DAB1: variants seen among roughly 807,000 people sequenced by gnomAD.
DAB1 encodes the protein disabled homolog 1.
In DAB1, 15 loss-of-function variants were observed where a neutral mutation model predicts 64.6. That is an observed-to-expected ratio of 0.23 (90% CI 0.16 to 0.36). The LOEUF (loss-of-function observed/expected upper bound fraction) is 0.36, where lower values mean the gene tolerates loss of function less well. Among genes scored for constraint, DAB1 ranks in the 10% least tolerant of loss-of-function variants. The pLI is 1.00. For missense variants in DAB1, 596 were observed against 706.7 expected (o/e 0.84, Z 1.78); for synonymous variants, 235 against 251.9 (o/e 0.93, Z 0.64).
intron 1 of DAB1, among the ~76,000 whole-genome samples, chr1:58,543,806 A>C (rs1187067115): frequency 6.6e-6 from 1 of 152,260 alleles, no homozygotes; most frequent in African/African-American, 2.4e-5. Flanking sequence ...TGGCAAACTC[A>C]AACGTCTAAA....
At chr1:57,557,636 AAGGACTCTATTTCTAAT>A (rs1341993649) in intron 7 of DAB1, among the ~76,000 whole-genome samples, 1 of 152,088 alleles carries the variant, frequency 6.6e-6, no homozygotes, top group Middle Eastern at 3.2e-3. Flanking sequence ...CCAAAATACT[AAGGACTCTATTTCTAAT>A]AGTATGGAGA....
intron 4 of DAB1, among the ~76,000 whole-genome samples, chr1:58,283,031 C>G (rs1347920496): frequency 6.6e-6 from 1 of 151,434 alleles, no homozygotes; most frequent in African/African-American, 2.4e-5. Flanking sequence ...ACTTCCCCAA[C>G]CACCATGTAA....
At chr1:57,770,561 C>A (rs1055597041) in intron 6 of DAB1, among the ~76,000 whole-genome samples, 1 of 152,102 alleles carries the variant, frequency 6.6e-6, no homozygotes, top group Non-Finnish European at 1.5e-5. Context: ...CCCAAAAAAA[C>A]CTCTGTCAAG....
At chr1:57,057,709 A>G (rs564888097) in intron 9 of DAB1, among the ~76,000 whole-genome samples, 330 of 150,658 alleles carry the variant, frequency 2.2e-3, no homozygotes, top group South Asian at 0.011. Context: ...CCGGGTTCAC[A>G]CCATTCTCCT....
At chr1:57,086,064 G>T (rs1360552993) in intron 4 of DAB1, among the ~76,000 whole-genome samples, 2 of 152,152 alleles carry the variant, frequency 1.3e-5, no homozygotes, top group Admixed American at 6.5e-5. Flanking sequence ...GGCAGTGAGT[G>T]ACAGTCTTTG....
chr1:58,006,961 C>T (rs556009588), intron 5 of DAB1, among the ~76,000 whole-genome samples: 1 of 152,282 alleles, frequency 6.6e-6, no homozygotes, highest in South Asian at 2.1e-4. Flanking sequence ...CTGAGATGCA[C>T]CGTACAGATG....
At chr1:58,500,693 C>A (rs1645892370) in intron 3 of DAB1, among the ~76,000 whole-genome samples, 1 of 152,082 alleles carries the variant, frequency 6.6e-6, no homozygotes, top group African/African-American at 2.4e-5. Context: ...TAACCATAAA[C>A]AATGAGTAAG....
rs1302261431 is a variant in DAB1, at chr1:58,132,237, A to ACT, written n.387+18273_387+18274insAG. Among the ~76,000 whole-genome samples the ACT allele has an allele frequency of 2.0e-5, 3 of 152,130 alleles. No homozygotes were observed. In the East Asian group the frequency reaches 5.8e-4, roughly 29 times the overall value. On this transcript the variant is annotated intron_variant and non_coding_transcript_variant, in intron 5 of 20. Transcript: ENST00000485760. ...CCCGATTTTCCAGGTGCGGTCCGTC[A>ACT]GCGATTTCTTTGACTCAGAAAGGGA...
chr1:57,888,460 C>T (rs1421730045), upstream of DAB1, among the ~76,000 whole-genome samples: 1 of 152,130 alleles, frequency 6.6e-6, no homozygotes, highest in Non-Finnish European at 1.5e-5. Context: ...TCTCTTTGTT[C>T]CCAATTTATC....
At chr1:57,475,036 G>C (rs1271510830) in intron 7 of DAB1, among the ~76,000 whole-genome samples, 1 of 152,178 alleles carries the variant, frequency 6.6e-6, no homozygotes, top group African/African-American at 2.4e-5. Flanking sequence ...AAGGTGAGTA[G>C]ATCACCTGAG....
chr1:58,209,575 C>A (rs1000889095), intron 4 of DAB1, among the ~76,000 whole-genome samples: 2 of 152,010 alleles, frequency 1.3e-5, no homozygotes, highest in African/African-American at 4.8e-5. Context: ...TTCTTAAAGA[C>A]CAGGAATGTC....
intron 9 of DAB1, among the ~76,000 whole-genome samples, chr1:57,041,598 G>A (rs1418159454): frequency 6.6e-6 from 1 of 152,182 alleles, no homozygotes; most frequent in African/African-American, 2.4e-5. Context: ...TAACATTAGG[G>A]AAATATCCAT....
intron 4 of DAB1, among the ~76,000 whole-genome samples, chr1:58,200,623 A>C (rs754314556): frequency 6.6e-6 from 1 of 152,224 alleles, no homozygotes; most frequent in African/African-American, 2.4e-5. Flanking sequence ...TCACTCAAGT[A>C]AGGTAAAATG....
At chr1:57,554,705 A>AT in intron 7 of DAB1, among the ~76,000 whole-genome samples, 1 of 152,184 alleles carries the variant, frequency 6.6e-6, no homozygotes, top group Non-Finnish European at 1.5e-5. Flanking sequence ...TTTGCCTCCT[A>AT]TTTTTTCTCC....
intron 3 of DAB1, among the ~76,000 whole-genome samples, chr1:58,485,601 TTTC>T (rs1645563610): frequency 6.6e-6 from 1 of 152,258 alleles, no homozygotes; most frequent in East Asian, 1.9e-4. Flanking sequence ...TAACTTATTT[TTTC>T]TTTTTTCCTT....
chr1:57,145,265 T>C (rs548074898), intron 3 of DAB1, 25 bp downstream of exon 3: 1 of 1,611,596 alleles, frequency 6.2e-7, no homozygotes, highest in East Asian at 2.2e-5. Context: ...CACAAAGTAT[T>C]GAAAAGAAAA....
At chr1:57,952,985 A>C (rs1472322754) in intron 5 of DAB1, among the ~76,000 whole-genome samples, 1 of 152,206 alleles carries the variant, frequency 6.6e-6, no homozygotes, top group Admixed American at 6.5e-5. Flanking sequence ...CACAAAGAGC[A>C]AGTAGAATCC....
At chr1:58,024,286 T>C (rs1373101958) in intron 5 of DAB1, among the ~76,000 whole-genome samples, 3 of 152,146 alleles carry the variant, frequency 2.0e-5, no homozygotes, top group Non-Finnish European at 4.4e-5. Context: ...AGTGGAAAGA[T>C]CACAAAAGAA....
At chr1:58,278,111 C>T (rs1157547198) in intron 4 of DAB1, among the ~76,000 whole-genome samples, 1 of 152,186 alleles carries the variant, frequency 6.6e-6, no homozygotes, top group Non-Finnish European at 1.5e-5. Context: ...TTGTAATCCC[C>T]ATAATCCCCA....
Sources: gnomAD v4.1 joint callset for allele counts (sites outside exome capture counted in the v4.1 genomes callset) on GRCh38, gnomAD v4.1.1 for gene constraint, MANE v1.5 for transcripts, NCBI Gene and HGNC (gene_info 2026-07-23, HGNC 2026-07-21) for gene names.